Variants in RALYL observed in about 807,000 individuals in gnomAD.
RALYL encodes the protein RALY RNA binding protein like.
RALYL carries 29 observed loss-of-function variants against 35.1 expected under a neutral mutation model. That is an observed-to-expected ratio of 0.83 (90% CI 0.61 to 1.13). The LOEUF is 1.13. Ranked by LOEUF, RALYL falls within the 50% of genes most tolerant of loss-of-function variation. The pLI, the probability that RALYL is intolerant of heterozygous loss-of-function variation, is 0.00. For synonymous variants in RALYL, 120 were observed against 127.6 expected (o/e 0.94, Z 0.40); for missense variants, 359 against 360.4 (o/e 1.00, Z 0.03).
At chr8:84,581,406 T>TCAGA (rs1319354533) in intron 2 of RALYL, among the ~76,000 whole-genome samples, 5 of 152,182 alleles carry the variant, frequency 3.3e-5, no homozygotes, top group Admixed American at 3.3e-4. Context: ...TTGACTGTAC[T>TCAGA]CAGAGATTCA....
intron 1 of RALYL, among the ~76,000 whole-genome samples, chr8:84,474,785 T>C (rs1212185712): frequency 6.6e-6 from 1 of 152,160 alleles, no homozygotes; most frequent in Non-Finnish European, 1.5e-5. Context: ...TTTTGTGTGG[T>C]GAATGTGAAA....
chr8:84,271,486 G>A (rs571261558), intron 1 of RALYL, among the ~76,000 whole-genome samples: 10 of 150,458 alleles, frequency 6.6e-5, no homozygotes, highest in Non-Finnish European at 1.0e-4. Context: ...GTGTGTGTGT[G>A]TGTGTTTTAA....
At chr8:84,510,538 C>T (rs527274042) in intron 1 of RALYL, among the ~76,000 whole-genome samples, 3 of 152,134 alleles carry the variant, frequency 2.0e-5, no homozygotes, top group Non-Finnish European at 1.5e-5. Flanking sequence ...CAGCCAGGCA[C>T]GGTGGCTCAC....
intron 1 of RALYL, among the ~76,000 whole-genome samples, chr8:84,305,476 A>C (rs1039235205): frequency 6.6e-6 from 1 of 152,200 alleles, no homozygotes; most frequent in Non-Finnish European, 1.5e-5. Flanking sequence ...ATTACTTAAA[A>C]ATTTGTATAG....
At chr8:84,637,489 A>G (rs371175064) in intron 2 of RALYL, among the ~76,000 whole-genome samples, 1 of 152,004 alleles carries the variant, frequency 6.6e-6, no homozygotes, top group South Asian at 2.1e-4. Context: ...GCAGAATCCA[A>G]TTAACAAGAG....
At chr8:84,197,276 A>T (rs2130947695) in intron 1 of RALYL, among the ~76,000 whole-genome samples, 1 of 129,438 alleles carries the variant, frequency 7.7e-6, no homozygotes. Flanking sequence ...ATACTGTGAA[A>T]CCCCGCAATC....
intron 1 of RALYL, among the ~76,000 whole-genome samples, chr8:84,425,720 A>G (rs2046332536): frequency 6.6e-6 from 1 of 152,148 alleles, no homozygotes; most frequent in Admixed American, 6.5e-5. Context: ...CCCTCCAGAA[A>G]CATGATCAAT....
At chr8:84,420,274 A>C (rs1426038291) in intron 1 of RALYL, among the ~76,000 whole-genome samples, 1 of 151,966 alleles carries the variant, frequency 6.6e-6, no homozygotes, top group East Asian at 1.9e-4. Flanking sequence ...AGTGGTTTTG[A>C]TTTGCATTTC....
At position 84,660,427 on chromosome 8, in the gene RALYL, C is replaced by T. The variant is rs150402015; in HGVS notation, c.257-114152C>T. On this transcript the variant is annotated intron_variant, in intron 2 of 8. Transcript: ENST00000521268. Reference sequence around the variant, plus strand: ...TTAATCTTGGTTAACTTTTCCCCCTCTGTCTCATTAGAGGTATTTATTTTG... The same window carrying T: ...TTAATCTTGGTTAACTTTTCCCCCTTTGTCTCATTAGAGGTATTTATTTTG... Among the ~76,000 whole-genome samples, 416 of 152,074 alleles carry T rather than the reference C, an allele frequency of 2.7e-3. 2 individuals carry two copies. Among genetic ancestry groups the T allele is most frequent in the African/African-American group, 9.6e-3 (397 of 41,532 alleles).
chr8:84,830,549 A>T (rs533923468), intron 4 of RALYL, among the ~76,000 whole-genome samples: 2 of 152,226 alleles, frequency 1.3e-5, no homozygotes, highest in African/African-American at 2.4e-5. Context: ...GTAGACCATT[A>T]TAAGTGCCAA....
At chr8:84,251,356 A>G (rs1208776485) in intron 1 of RALYL, among the ~76,000 whole-genome samples, 1 of 152,108 alleles carries the variant, frequency 6.6e-6, no homozygotes, top group Non-Finnish European at 1.5e-5. Context: ...TATATTTATT[A>G]TAAATTTTGA....
chr8:84,593,219 G>A (rs1226322329), intron 2 of RALYL, among the ~76,000 whole-genome samples: 1 of 151,940 alleles, frequency 6.6e-6, no homozygotes, highest in African/African-American at 2.4e-5. Context: ...TGTATGTCTG[G>A]TCTTCCCTAT....
At chr8:84,693,863 C>T (rs1838585988) in intron 2 of RALYL, among the ~76,000 whole-genome samples, 1 of 151,536 alleles carries the variant, frequency 6.6e-6, no homozygotes, top group Non-Finnish European at 1.5e-5. Context: ...AGGAGAAAAA[C>T]CATATGATCA....
At chr8:84,474,007 T>A (rs940783073) in intron 1 of RALYL, among the ~76,000 whole-genome samples, 2 of 152,078 alleles carry the variant, frequency 1.3e-5, no homozygotes, top group East Asian at 3.8e-4. Context: ...GACTTGTAAT[T>A]CAGAGAGTTA....
intron 5 of RALYL, among the ~76,000 whole-genome samples, chr8:84,857,840 G>A (rs961314951): frequency 1.3e-5 from 2 of 152,072 alleles, no homozygotes; most frequent in African/African-American, 2.4e-5. Flanking sequence ...ACTTAGAATT[G>A]TAGTTTTTTT....
chr8:84,729,093 C>T (rs903970823), intron 2 of RALYL, among the ~76,000 whole-genome samples: 1 of 152,126 alleles, frequency 6.6e-6, no homozygotes, highest in Non-Finnish European at 1.5e-5. Context: ...GATATTGATT[C>T]TTCCTACCCA....
intron 2 of RALYL, among the ~76,000 whole-genome samples, chr8:84,655,944 T>C (rs1056522048): frequency 6.6e-6 from 1 of 152,162 alleles, no homozygotes; most frequent in Non-Finnish European, 1.5e-5. Flanking sequence ...TAAGATCTTA[T>C]GCATTACGGA....
chr8:84,297,162 G>A (rs1461244693), intron 1 of RALYL, among the ~76,000 whole-genome samples: 3 of 151,874 alleles, frequency 2.0e-5, no homozygotes, highest in Admixed American at 6.6e-5. Flanking sequence ...CCCAGATGAT[G>A]AGCATAGTAC....
At chr8:84,588,993 G>A (rs1430742742) in intron 2 of RALYL, among the ~76,000 whole-genome samples, 1 of 152,060 alleles carries the variant, frequency 6.6e-6, no homozygotes, top group African/African-American at 2.4e-5. Context: ...CGCCTCCTGG[G>A]TTCTAGCGAT....
Sources: allele counts gnomAD v4.1 joint callset (sites outside exome capture counted in the v4.1 genomes callset), GRCh38; gene constraint gnomAD v4.1.1; transcripts MANE v1.5; gene names NCBI Gene and HGNC (gene_info 2026-07-23, HGNC 2026-07-21).